RNF24: variants seen among roughly 807,000 people sequenced by gnomAD.
RNF24 encodes the protein ring finger protein 24.
A neutral mutation model predicts 20.0 loss-of-function variants in RNF24; 14 were observed. The observed-to-expected ratio is 0.70, with a 90% CI of 0.46 to 1.10. The LOEUF (loss-of-function observed/expected upper bound fraction) is 1.10. Ranked by LOEUF, RNF24 falls within the 50% of genes least tolerant of loss-of-function variation. RNF24 has a pLI of 0.00. For missense variants in RNF24, 124 were observed against 177.6 expected (o/e 0.70, Z 1.71); for synonymous variants, 45 against 61.1 (o/e 0.74, Z 1.23).
At position 3,934,742 on chromosome 20, in the gene RNF24, G is replaced by C. The variant is rs75609382; in HGVS notation, c.308+252C>G. Among the ~76,000 whole-genome samples the C allele has an allele frequency of 0.015, 2,342 of 152,214 alleles. 31 individuals carry two copies. Among genetic ancestry groups the C allele is most frequent in the Middle Eastern group, 0.051 (15 of 294 alleles). On this transcript the variant is annotated intron_variant, in intron 5 of 5. Coordinates refer to ENST00000358395, the MANE Select transcript of RNF24 (RefSeq NM_001134337.3). The surrounding 1 kb of genome is among the most constrained non-coding windows in gnomAD (Gnocchi z 4.0). ...CCAGCTAAATAGCTGTTTATTGCTT[G>C]GGCTCCAAGTGTAGGCTCATTTTGG...
intron 2 of RNF24, among the ~76,000 whole-genome samples, chr20:3,956,023 T>TG (rs2091137898): frequency 6.6e-6 from 1 of 152,226 alleles, no homozygotes; most frequent in Non-Finnish European, 1.5e-5. Context: ...GTAGTTTTTT[T>TG]TGTGTGTGTG....
chr20:3,948,052 A>C (rs1482003654), intron 3 of RNF24, among the ~76,000 whole-genome samples, 185 bp downstream of exon 3: 3 of 152,142 alleles, frequency 2.0e-5, no homozygotes, highest in Admixed American at 2.0e-4. Flanking sequence ...GTCTCAAAAA[A>C]AAAAAAAAGA....
chr20:4,013,442 A>T (rs1306469447), intron 1 of RNF24, among the ~76,000 whole-genome samples: 3 of 152,192 alleles, frequency 2.0e-5, no homozygotes, highest in African/African-American at 7.2e-5. Context: ...GCGCCTCTTA[A>T]TTTTTTAAAA....
At chr20:3,958,548 T>G (rs1220062042) in intron 2 of RNF24, among the ~76,000 whole-genome samples, 1 of 152,234 alleles carries the variant, frequency 6.6e-6, no homozygotes, top group African/African-American at 2.4e-5. Flanking sequence ...AATGTGAACT[T>G]TTCAATTGTT....
intron 1 of RNF24, among the ~76,000 whole-genome samples, chr20:3,989,363 C>A (rs1568655437): frequency 6.6e-6 from 1 of 151,788 alleles, no homozygotes; most frequent in African/African-American, 2.4e-5. Context: ...TGGTGGCGGG[C>A]GCCTGTAGTC....
chr20:3,938,104 A>G (rs1271082002), intron 4 of RNF24, among the ~76,000 whole-genome samples: 1 of 152,210 alleles, frequency 6.6e-6, no homozygotes, highest in Non-Finnish European at 1.5e-5. Context: ...ATTTCTCCAT[A>G]TCATCACCAA....
intron 1 of RNF24, among the ~76,000 whole-genome samples, chr20:3,980,076 CAG>C (rs1392111000): frequency 6.6e-6 from 1 of 152,100 alleles, no homozygotes; most frequent in Non-Finnish European, 1.5e-5. Context: ...AATTCTTATG[CAG>C]AGATTTAAAA....
At chr20:3,965,867 C>T (rs188503418) in intron 1 of RNF24, among the ~76,000 whole-genome samples, 1 of 152,262 alleles carries the variant, frequency 6.6e-6, no homozygotes, top group East Asian at 1.9e-4. Context: ...GGTGCAGTGG[C>T]TCACACCTGT....
intron 1 of RNF24, among the ~76,000 whole-genome samples, chr20:3,974,896 A>G (rs1978728538): frequency 1.3e-5 from 2 of 152,096 alleles, no homozygotes; most frequent in Admixed American, 1.3e-4. Context: ...TTTTGTAGAT[A>G]TAGACAAGTT....
chr20:4,008,492 A>AAT (rs570867195), intron 1 of RNF24, among the ~76,000 whole-genome samples: 4 of 85,194 alleles, frequency 4.7e-5, no homozygotes, highest in South Asian at 3.0e-4. Flanking sequence ...AATATAATAT[A>AAT]ATATATATAT....
chr20:3,951,167 C>T (rs2091077217), intron 2 of RNF24, among the ~76,000 whole-genome samples: 1 of 152,180 alleles, frequency 6.6e-6, no homozygotes, highest in Non-Finnish European at 1.5e-5. Flanking sequence ...CCGTGTTAGC[C>T]AGGATGGTCT....
intron 4 of RNF24, among the ~76,000 whole-genome samples, chr20:3,944,506 A>G (rs1356322989): frequency 1.3e-5 from 2 of 152,230 alleles, no homozygotes; most frequent in Non-Finnish European, 2.9e-5. Flanking sequence ...CTTGCTTTAA[A>G]CACCAATTAG....
chr20:3,991,940 G>GCACACA (rs113511343), intron 1 of RNF24, among the ~76,000 whole-genome samples: 1 of 147,900 alleles, frequency 6.8e-6, no homozygotes, highest in Admixed American at 6.8e-5. Flanking sequence ...ACACACACAC[G>GCACACA]CACACACACA....
At chr20:3,985,831 G>A (rs551832862) in intron 1 of RNF24, among the ~76,000 whole-genome samples, 1 of 151,540 alleles carries the variant, frequency 6.6e-6, no homozygotes, top group Admixed American at 6.6e-5. Context: ...TCCGCCTCCT[G>A]GGTTCAAGCG....
chr20:3,969,745 GA>G (rs1190064223), intron 1 of RNF24, among the ~76,000 whole-genome samples: 26 of 150,082 alleles, frequency 1.7e-4, no homozygotes, highest in African/African-American at 6.1e-4. Flanking sequence ...GATAGTGTTA[GA>G]AAAGGCCAAG....
intron 3 of RNF24, 31 bp downstream of exon 3, chr20:3,948,206 A>C: frequency 1.3e-6 from 2 of 1,545,216 alleles, no homozygotes; most frequent in East Asian, 2.3e-5. Context: ...GGAAAAAAAA[A>C]ATCAAAGCCA....
At chr20:4,008,238 A>T (rs191131982) in intron 1 of RNF24, among the ~76,000 whole-genome samples, 3 of 140,590 alleles carry the variant, frequency 2.1e-5, no homozygotes, top group African/African-American at 8.0e-5. Context: ...GAGGTCACAT[A>T]GCAAAAAGTG....
Position 3,945,235 on chromosome 20 carries a change from T to A in RNF24, c.187-17A>T. 6.3e-7 allele frequency: 1 copy of A among 1,575,902 alleles called. No homozygotes were observed. Among genetic ancestry groups the A allele is most frequent in the Non-Finnish European group, 8.6e-7 (1 of 1,157,598 alleles). On this transcript the variant is annotated splice_polypyrimidine_tract_variant and intron_variant, in intron 3 of 5. Transcript: ENST00000358395. ...TAATATAACCTGTAAGACAAAAAAG[T>A]ATGTTCTTATGCCCATTTAAATCTG... is the stretch of plus-strand genomic sequence containing the variant.
At chr20:3,943,865 T>C (rs2090985987) in intron 4 of RNF24, among the ~76,000 whole-genome samples, 1 of 152,200 alleles carries the variant, frequency 6.6e-6, no homozygotes, top group Non-Finnish European at 1.5e-5. Flanking sequence ...ACTTTTATTA[T>C]TTCATGTTAA....
Sources: allele counts gnomAD v4.1 joint callset (sites outside exome capture counted in the v4.1 genomes callset), GRCh38; gene constraint gnomAD v4.1.1; non-coding constraint Gnocchi (gnomAD v3.1); transcripts MANE v1.5; gene names NCBI Gene and HGNC (gene_info 2026-07-23, HGNC 2026-07-21).